PAPPA: variants seen among roughly 807,000 people sequenced by gnomAD.
PAPPA encodes pappalysin 1, also known as pappalysin-1.
Under a neutral mutation model 164.0 loss-of-function variants are expected in PAPPA, and 60 were observed. The ratio of observed to expected loss-of-function variants is 0.37; its 90% CI spans 0.30 to 0.45. The LOEUF is 0.45. Among genes scored for constraint, PAPPA ranks in the 20% least tolerant of loss-of-function variants. PAPPA has a pLI of 1.00. For missense variants in PAPPA, 1,782 were observed against 2,087.3 expected (o/e 0.85, Z 2.85); for synonymous variants, 875 against 814.1 (o/e 1.07, Z -1.27).
chr9:116,382,526 C>A lies in PAPPA; in HGVS notation c.4776+33C>A, dbSNP rs751170099. On this transcript the variant is annotated intron_variant, in intron 21 of 21. Coordinates refer to ENST00000328252, the MANE Select transcript of PAPPA (RefSeq NM_002581.5). ...AGTGTGCACTCCTCGGCAGCTGCCT[C>A]CTGCCCACTTCTCCAGCTTGTGGGG... The A allele has an allele frequency of 2.3e-6, 3 of 1,303,356 alleles. No homozygotes were observed. The South Asian group carries it at 3.5e-5, about 15-fold the overall frequency. 80.7% of individuals were successfully genotyped at this position (1,303,356 alleles called of 1,614,324 possible).
chr9:116,356,821 A>G (rs1846360438), intron 17 of PAPPA, among the ~76,000 whole-genome samples: 2 of 152,042 alleles, frequency 1.3e-5, no homozygotes, highest in Non-Finnish European at 1.5e-5. Flanking sequence ...TTTGCTTAGG[A>G]TTGTCTTGGC....
rs1392190761 is a variant in PAPPA at position 116,154,274 on chromosome 9, C to G, written c.102C>G (p.Ala34=). 1.9e-6 allele frequency: 2 copies of G among 1,054,824 alleles called. No individual in the cohort carries two copies. The highest frequency in any genetic ancestry group is 2.3e-6 in the Non-Finnish European group (2 of 875,036). The allele number at this position is 1,054,824 out of a possible 1,614,324, so 65.3% of individuals were successfully genotyped here. The change falls in exon 1 of 22, where the codon GCC becomes GCG. Residue 34 remains alanine (A), a synonymous_variant. Coordinates refer to ENST00000328252, the MANE Select transcript of PAPPA (RefSeq NM_002581.5). This position sits in a 1 kb window ranked among gnomAD's most constrained non-coding sequence, Gnocchi z 5.2. ...RPRRARRDPR[A]GRPPRPAAGP... ...GCCGGGCCCGGAGAGACCCGCGGGC[C>G]GGCCGACCCCCGCGCCCCGCCGCCG...
intron 9 of PAPPA, among the ~76,000 whole-genome samples, 189 bp from the exon 10 acceptor site, chr9:116,302,568 C>T (rs113369675): frequency 0.014 from 2,170 of 152,206 alleles, 61 homozygotes; most frequent in African/African-American, 0.05. Context: ...ATGGTTCATC[C>T]ATGTTGTTGC....
intron 3 of PAPPA, among the ~76,000 whole-genome samples, chr9:116,210,194 G>A (rs779531353): frequency 6.6e-6 from 1 of 151,936 alleles, no homozygotes; most frequent in Non-Finnish European, 1.5e-5. Context: ...GTGCACACCC[G>A]CACACTCACA....
intron 3 of PAPPA, 84 bp from the exon 4 acceptor site, chr9:116,211,555 T>C: frequency 8.1e-7 from 1 of 1,240,926 alleles, no homozygotes. Flanking sequence ...GGGCAGCATC[T>C]CTTTATCCTT....
chr9:116,383,597 G>A (rs1846762331), intron 21 of PAPPA, among the ~76,000 whole-genome samples: 1 of 152,224 alleles, frequency 6.6e-6, no homozygotes, highest in Non-Finnish European at 1.5e-5. Context: ...CCTTAGGAGA[G>A]TTGGTTTCTT....
chr9:116,169,539 C>A (rs1843753302), intron 1 of PAPPA, among the ~76,000 whole-genome samples: 2 of 151,454 alleles, frequency 1.3e-5, no homozygotes, highest in Admixed American at 1.3e-4. Flanking sequence ...AGGCTGGTCT[C>A]AAACTCCTGA....
chr9:116,243,031 T>C (rs534948145), intron 7 of PAPPA, among the ~76,000 whole-genome samples: 2 of 152,326 alleles, frequency 1.3e-5, no homozygotes, highest in South Asian at 2.1e-4. Context: ...CCTTCACACC[T>C]CTATTTCTCA....
intron 14 of PAPPA, among the ~76,000 whole-genome samples, chr9:116,345,726 A>G (rs1846198983): frequency 6.6e-6 from 1 of 152,200 alleles, no homozygotes; most frequent in Non-Finnish European, 1.5e-5. Flanking sequence ...ACAGTCATCA[A>G]AGGAGTCATG....
At chr9:116,221,022 G>T (rs111596141) in intron 5 of PAPPA, among the ~76,000 whole-genome samples, 17 of 152,034 alleles carry the variant, frequency 1.1e-4, no homozygotes, top group East Asian at 3.9e-4. Flanking sequence ...GAGGCACAAG[G>T]TACCTCTATT....
intron 6 of PAPPA, among the ~76,000 whole-genome samples, chr9:116,231,854 C>T (rs897307166): frequency 2.1e-4 from 31 of 147,340 alleles, no homozygotes; most frequent in Middle Eastern, 3.8e-3. Flanking sequence ...CTCAGCCTCA[C>T]GGGTTCAAGT....
chr9:116,315,587 T>G (rs1845778274), intron 10 of PAPPA, among the ~76,000 whole-genome samples: 1 of 152,048 alleles, frequency 6.6e-6, no homozygotes, highest in Admixed American at 6.6e-5. Flanking sequence ...AAGATTGGGG[T>G]CTAAGCAATT....
At chr9:116,207,672 T>C in intron 3 of PAPPA, 71 bp downstream of exon 3, 1 of 1,167,034 alleles carries the variant, frequency 8.6e-7, no homozygotes, top group Non-Finnish European at 1.2e-6. Context: ...ATGATGATCA[T>C]TGTTACGATC....
At chr9:116,222,599 G>C (rs1844459296) in intron 5 of PAPPA, among the ~76,000 whole-genome samples, 1 of 152,008 alleles carries the variant, frequency 6.6e-6, no homozygotes, top group African/African-American at 2.4e-5. Flanking sequence ...GGCACAGAAA[G>C]ACAAATAACT....
At chr9:116,326,052 G>A (rs1019420054) in intron 10 of PAPPA, among the ~76,000 whole-genome samples, 1 of 150,856 alleles carries the variant, frequency 6.6e-6, no homozygotes, top group Admixed American at 6.6e-5. Context: ...GGATCCAGGA[G>A]TCTCTCTCTC....
At chr9:116,241,425 C>T (rs1844734301) in intron 7 of PAPPA, among the ~76,000 whole-genome samples, 1 of 152,142 alleles carries the variant, frequency 6.6e-6, no homozygotes, top group Non-Finnish European at 1.5e-5. Context: ...TGAACAGAAA[C>T]CAGAAGTGTC....
chr9:116,381,149 T>C (rs532291606), intron 20 of PAPPA, among the ~76,000 whole-genome samples: 108 of 152,316 alleles, frequency 7.1e-4, no homozygotes, highest in African/African-American at 2.5e-3. Context: ...CTGGCCTCTT[T>C]ATTTCATTAG....
intron 2 of PAPPA, among the ~76,000 whole-genome samples, chr9:116,206,333 C>T (rs1395021956): frequency 6.6e-6 from 1 of 152,092 alleles, no homozygotes; most frequent in East Asian, 1.9e-4. Context: ...CATGGGCGGC[C>T]TTGACACGCT....
chr9:116,202,888 C>T (rs571810078), intron 2 of PAPPA, among the ~76,000 whole-genome samples: 7 of 152,260 alleles, frequency 4.6e-5, no homozygotes, highest in South Asian at 4.1e-4. Flanking sequence ...TTTGACTCAG[C>T]GACATTTTTC....
Sources: gnomAD v4.1 joint callset for allele counts (sites outside exome capture counted in the v4.1 genomes callset) on GRCh38, gnomAD v4.1.1 for gene constraint, Gnocchi (gnomAD v3.1) non-coding constraint, MANE v1.5 for transcripts, NCBI Gene and HGNC (gene_info 2026-07-23, HGNC 2026-07-21) for gene names.